OSBPL9: variants seen among roughly 807,000 people sequenced by gnomAD.
The protein encoded by OSBPL9 is oxysterol binding protein like 9, also known as oxysterol-binding protein-related protein 9.
In OSBPL9, 40 loss-of-function variants were observed where a neutral mutation model predicts 106.6. The ratio of observed to expected loss-of-function variants is 0.38; its 90% CI spans 0.29 to 0.49. OSBPL9 has a LOEUF of 0.49. OSBPL9 is among the 20% of genes least tolerant of loss of function. OSBPL9 has a pLI of 0.97. For missense variants in OSBPL9, 609 were observed against 887.2 expected (o/e 0.69, Z 3.98); for synonymous variants, 269 against 295.4 (o/e 0.91, Z 0.92).
intron 1 of OSBPL9, among the ~76,000 whole-genome samples, chr1:51,625,872 G>A (rs1644736749): frequency 6.6e-6 from 1 of 152,152 alleles, no homozygotes. Context: ...AAGTTTACAT[G>A]TTACATGGGA....
At chr1:51,644,999 A>G (rs1646058897) in intron 1 of OSBPL9, among the ~76,000 whole-genome samples, 1 of 152,164 alleles carries the variant, frequency 6.6e-6, no homozygotes, top group South Asian at 2.1e-4. Context: ...GCTAATGGAA[A>G]GTGTTTAGGC....
chr1:51,545,894 T>C, the OSBPL9 span, among the ~76,000 whole-genome samples: 1 of 152,126 alleles, frequency 6.6e-6, no homozygotes, highest in Non-Finnish European at 1.5e-5. Context: ...CAATTCTACA[T>C]CGTATAAGAG....
At chr1:51,556,840 T>C in the OSBPL9 span, among the ~76,000 whole-genome samples, 1 of 149,484 alleles carries the variant, frequency 6.7e-6, no homozygotes, top group Admixed American at 6.7e-5. Context: ...TATATATACA[T>C]ATATATGTAT....
chr1:51,568,603 G>C, the OSBPL9 span, among the ~76,000 whole-genome samples: 2 of 152,224 alleles, frequency 1.3e-5, no homozygotes, highest in Non-Finnish European at 2.9e-5. Flanking sequence ...CACCCAGGCT[G>C]TCGCCCAGGC....
chr1:51,555,663 G>T, the OSBPL9 span, among the ~76,000 whole-genome samples: 1 of 152,040 alleles, frequency 6.6e-6, no homozygotes, highest in Middle Eastern at 3.4e-3. Context: ...CACCTCCTTG[G>T]TTCAAGTGAT....
intron 1 of OSBPL9, among the ~76,000 whole-genome samples, chr1:51,619,642 G>C (rs1644306959): frequency 6.6e-6 from 1 of 152,066 alleles, no homozygotes; most frequent in African/African-American, 2.4e-5. Flanking sequence ...GTACCATCTT[G>C]TGAAAATAAA....
chr1:51,627,697 C>G (rs1328382088), intron 1 of OSBPL9, among the ~76,000 whole-genome samples: 5 of 151,452 alleles, frequency 3.3e-5, no homozygotes, highest in African/African-American at 1.2e-4. Context: ...ATCTCTCCTA[C>G]TTTGAAAAAT....
chr1:51,671,561 CAG>C (rs1249141051), intron 3 of OSBPL9, among the ~76,000 whole-genome samples: 1 of 152,010 alleles, frequency 6.6e-6, no homozygotes, highest in African/African-American at 2.4e-5. Context: ...GTATACAAAA[CAG>C]ATAAAATTCC....
At chr1:51,590,424 T>C (rs982751648) in intron 1 of OSBPL9, among the ~76,000 whole-genome samples, 3 of 151,664 alleles carry the variant, frequency 2.0e-5, no homozygotes, top group Admixed American at 2.0e-4. Flanking sequence ...ATCGAGACCA[T>C]CCTGGCTAAC....
At chr1:51,692,098 C>T (rs916335798) in intron 3 of OSBPL9, among the ~76,000 whole-genome samples, 5 of 152,114 alleles carry the variant, frequency 3.3e-5, no homozygotes, top group South Asian at 2.1e-4. Flanking sequence ...CTTGAGTCCA[C>T]GAGTTTGAGA....
rs370989025 is a variant in OSBPL9 at position 51,756,312 on chromosome 1, T to A, written c.544-8T>A. On this transcript the variant is annotated splice_polypyrimidine_tract_variant and splice_region_variant and intron_variant, in intron 8 of 23. Transcript: ENST00000428468. ...ATGAAGTTAATATTTTTAACATTTTTCCTTAAGGACCAGAGTAATGCGGAG... is the reference window on the plus strand; with the variant it reads ...ATGAAGTTAATATTTTTAACATTTTACCTTAAGGACCAGAGTAATGCGGAG... 2.5e-6 allele frequency: 4 copies of A among 1,610,726 alleles called. No individual in the cohort carries two copies. The highest frequency in any genetic ancestry group is 2.5e-6 in the Non-Finnish European group (3 of 1,177,476).
rs147819487 is a variant in OSBPL9, at chr1:51,786,562, A to G, written c.1945A>G (p.Ile649Val). 5.9e-5 allele frequency: 95 copies of G among 1,612,720 alleles called. No homozygotes were observed. The African/African-American group carries it at 1.1e-3, about 18-fold the overall frequency. The stretch of plus-strand genomic sequence containing the variant: ...CTTTGTAGATACCAAGAAGTTGCCT[A>G]TAATCAAGAAGAAAGTGAGGAAGTT... ...TVFVDTKKLP[I>V]IKKKVRKLED... The change falls in exon 22 of 24, where the codon ATA becomes GTA. Residue 649 changes from isoleucine (I) to valine (V), a missense_variant. Ile to Val is a conservative substitution (Grantham distance 29, BLOSUM62 3). This residue lies in a region of OSBPL9 where 132 missense variants were observed against 158.1 expected (regional missense o/e 0.83). Transcript: ENST00000428468.
upstream of OSBPL9, among the ~76,000 whole-genome samples, chr1:51,572,623 A>G (rs1645157348): frequency 6.6e-6 from 1 of 152,204 alleles, no homozygotes; most frequent in Admixed American, 6.6e-5. Context: ...TAGTCCCTAC[A>G]GTCAGATCCA....
At chr1:51,661,999 G>A (rs578138269) in intron 2 of OSBPL9, among the ~76,000 whole-genome samples, 1 of 152,266 alleles carries the variant, frequency 6.6e-6, no homozygotes, top group South Asian at 2.1e-4. Flanking sequence ...GCTTGAGAAT[G>A]AAAGGGGGAT....
Position 51,784,497 on chromosome 1 carries a change from TC to T in OSBPL9, c.1746del (p.Thr584GlnfsTer45). 1 of 1,613,894 alleles carries T rather than the reference TC, an allele frequency of 6.2e-7. No individual in the cohort carries two copies. Among genetic ancestry groups the T allele is most frequent in the Non-Finnish European group, 8.5e-7 (1 of 1,179,742 alleles). On this transcript the variant is annotated frameshift_variant, in exon 20 of 24. Transcript: ENST00000428468. LOFTEE classifies it high-confidence loss of function. ...ELGGECNINC[S>X]KTGYSANIIF... is the part of the protein sequence containing the mutation. ...AGGAGGAGAATGCAATATTAATTGT[TC>T]CAAAACAGGCTATAGTGCAAATATC...
chr1:51,680,502 GAAAA>G (rs551551666), intron 3 of OSBPL9, among the ~76,000 whole-genome samples: 2 of 150,398 alleles, frequency 1.3e-5, no homozygotes, highest in African/African-American at 4.9e-5. Context: ...TAAAAAAAAA[GAAAA>G]AAAAATTTAG....
chr1:51,671,976 C>T (rs778618368), intron 3 of OSBPL9, among the ~76,000 whole-genome samples: 24 of 152,120 alleles, frequency 1.6e-4, no homozygotes, highest in Non-Finnish European at 2.6e-4. Context: ...TGAAGAACAG[C>T]TAGAGGTCAG....
chr1:51,667,107 A>T (rs1387549266), intron 2 of OSBPL9, among the ~76,000 whole-genome samples: 1 of 152,202 alleles, frequency 6.6e-6, no homozygotes, highest in African/African-American at 2.4e-5. Context: ...TTTCTACCAG[A>T]GTTGACTAGG....
At position 51,787,883 on chromosome 1, in the gene OSBPL9, A is replaced by G. The variant is rs150444462; in HGVS notation, c.*94A>G. 463 of 1,131,300 alleles carry G rather than the reference A, an allele frequency of 4.1e-4. 4 individuals are homozygous for G. In the East Asian group the frequency reaches 0.011, roughly 27 times the overall value. 70.1% of individuals were successfully genotyped at this position (1,131,300 alleles called of 1,614,324 possible). ...CTTTGGGAGAAACCTGTTCATTCCA[A>G]TCTTCTAATTACAGTGGTTCCTATC... On this transcript the variant is annotated 3_prime_UTR_variant, in exon 24 of 24. Coordinates refer to ENST00000428468, the MANE Select transcript of OSBPL9 (RefSeq NM_024586.6).
Sources: gnomAD v4.1 joint callset for allele counts (sites outside exome capture counted in the v4.1 genomes callset) on GRCh38, gnomAD v4.1.1 for gene constraint, gnomAD v4.1.1 regional missense constraint, MANE v1.5 for transcripts, NCBI Gene and HGNC (gene_info 2026-07-23, HGNC 2026-07-21) for gene names.